DNM3: variants seen among roughly 807,000 people sequenced by gnomAD.
DNM3 encodes dynamin-3.
DNM3 carries 47 observed loss-of-function variants against 101.6 expected under a neutral mutation model. The observed-to-expected ratio is 0.46, with a 90% CI of 0.37 to 0.59. The LOEUF (loss-of-function observed/expected upper bound fraction) is 0.59. Ranked by LOEUF, DNM3 falls within the 20% of genes least tolerant of loss-of-function variation. The pLI, the probability that DNM3 is intolerant of heterozygous loss-of-function variation, is 0.00. For missense variants in DNM3, 849 were observed against 1,085.7 expected (o/e 0.78, Z 3.06); for synonymous variants, 385 against 387.9 (o/e 0.99, Z 0.09).
chr1:172,058,475 C>A (rs997419831), intron 10 of DNM3, among the ~76,000 whole-genome samples: 1 of 151,504 alleles, frequency 6.6e-6, no homozygotes, highest in East Asian at 2.0e-4. Flanking sequence ...TGTAAAAGAA[C>A]AGAAATTATA....
intron 14 of DNM3, among the ~76,000 whole-genome samples, chr1:172,182,403 C>CGCAT (rs1439196435): frequency 2.0e-5 from 3 of 152,020 alleles, no homozygotes; most frequent in Non-Finnish European, 4.4e-5. Flanking sequence ...TGATGTCTAA[C>CGCAT]CATCATTACA....
chr1:172,270,703 T>A (rs1280632275), intron 15 of DNM3, among the ~76,000 whole-genome samples: 2 of 152,202 alleles, frequency 1.3e-5, no homozygotes, highest in Non-Finnish European at 2.9e-5. Flanking sequence ...CAGCTAACTC[T>A]GAGCAGATGC....
At chr1:171,847,929 T>A (rs1206364271) in intron 1 of DNM3, among the ~76,000 whole-genome samples, 1 of 151,396 alleles carries the variant, frequency 6.6e-6, no homozygotes, top group Non-Finnish European at 1.5e-5. Context: ...TGTGTGTGTG[T>A]GTGATCATAG....
intron 17 of DNM3, among the ~76,000 whole-genome samples, chr1:172,330,232 A>C (rs1338131211): frequency 3.3e-5 from 5 of 152,224 alleles, no homozygotes; most frequent in Admixed American, 1.3e-4. Flanking sequence ...AAACAGCATC[A>C]ATATCCATCA....
Position 171,909,437 on chromosome 1 carries a change from TAAA to T in DNM3, c.162-12295_162-12293del, listed in dbSNP as rs10554706. On this transcript the variant is annotated intron_variant, in intron 1 of 20. Transcript: ENST00000627582. ...TGGGCAACAGAGTGAGACTCTGTCT[TAAA>T]AAAAAAAAAAAAAAAGTCAGAGGTG... Among the ~76,000 whole-genome samples the T allele has an allele frequency of 2.0e-3, 261 of 130,938 alleles. 2 individuals carry two copies. The highest frequency in any genetic ancestry group is 4.2e-3 in the African/African-American group (151 of 35,882). 85.9% of individuals were successfully genotyped at this position (130,938 alleles called of 152,430 possible).
intron 1 of DNM3, among the ~76,000 whole-genome samples, chr1:171,894,877 G>C (rs920432851): frequency 5.3e-5 from 8 of 152,088 alleles, no homozygotes; most frequent in Non-Finnish European, 1.0e-4. Flanking sequence ...TGAGAATGAT[G>C]GTTTCCAGCT....
chr1:172,072,875 A>C (rs1190465231), intron 11 of DNM3, among the ~76,000 whole-genome samples: 1 of 152,228 alleles, frequency 6.6e-6, no homozygotes, highest in Non-Finnish European at 1.5e-5. Flanking sequence ...CAATAGAGTG[A>C]GACTTGTCTC....
intron 1 of DNM3, among the ~76,000 whole-genome samples, chr1:171,856,272 G>C (rs1441994848): frequency 6.6e-6 from 1 of 152,138 alleles, no homozygotes; most frequent in Admixed American, 6.6e-5. Flanking sequence ...TTTGGTTACT[G>C]TAGCCCTGTA....
chr1:171,967,122 G>T (rs983841960), intron 2 of DNM3, among the ~76,000 whole-genome samples: 2 of 152,082 alleles, frequency 1.3e-5, no homozygotes, highest in African/African-American at 4.8e-5. Flanking sequence ...TGACAAAAGG[G>T]AATCTATTTT....
intron 14 of DNM3, among the ~76,000 whole-genome samples, chr1:172,180,751 C>G (rs1029041650): frequency 6.6e-6 from 1 of 152,052 alleles, no homozygotes; most frequent in East Asian, 1.9e-4. Context: ...CCTCCCAATA[C>G]TGATGTTGCA....
intron 2 of DNM3, among the ~76,000 whole-genome samples, chr1:171,951,402 C>G (rs148630359): frequency 1.3e-5 from 2 of 152,118 alleles, no homozygotes; most frequent in Non-Finnish European, 2.9e-5. Flanking sequence ...ATTTTACATG[C>G]GGTGTTTTGC....
At chr1:172,402,683 T>C in intron 20 of DNM3, among the ~76,000 whole-genome samples, 1 of 152,186 alleles carries the variant, frequency 6.6e-6, no homozygotes, top group Non-Finnish European at 1.5e-5. Flanking sequence ...CCTAAGCAAG[T>C]AGTAGTTATT....
At position 171,976,646 on chromosome 1, in the gene DNM3, T is replaced by A. The variant is rs113472705; in HGVS notation, c.236-11010T>A. On this transcript the variant is annotated intron_variant, in intron 2 of 20. Coordinates refer to ENST00000627582, the MANE Select transcript of DNM3 (RefSeq NM_015569.5). ...ACCATATCATTGACATTTAAGGAGC[T>A]TACCAAAAACACACTAAAGATCTCC... Among the ~76,000 whole-genome samples, 1,360 of 152,108 alleles carry A rather than the reference T, an allele frequency of 8.9e-3. 27 individuals carry two copies. Among genetic ancestry groups the A allele is most frequent in the African/African-American group, 0.031 (1,289 of 41,484 alleles).
chr1:171,954,721 A>G (rs1436644547), intron 2 of DNM3, among the ~76,000 whole-genome samples: 1 of 152,208 alleles, frequency 6.6e-6, no homozygotes, highest in Non-Finnish European at 1.5e-5. Flanking sequence ...AAAATTCTAA[A>G]TTACACCAAA....
chr1:172,220,760 A>G (rs2060878391), intron 14 of DNM3, among the ~76,000 whole-genome samples: 1 of 152,174 alleles, frequency 6.6e-6, no homozygotes, highest in Non-Finnish European at 1.5e-5. Context: ...AGGGGATATC[A>G]TGTTAAAGCA....
intron 17 of DNM3, among the ~76,000 whole-genome samples, chr1:172,330,770 A>G (rs1441338705): frequency 6.6e-6 from 1 of 152,194 alleles, no homozygotes; most frequent in African/African-American, 2.4e-5. Flanking sequence ...AAAACAGAAT[A>G]TCTAGGAGGA....
chr1:172,040,761 C>T (rs1203235271), intron 7 of DNM3, among the ~76,000 whole-genome samples: 1 of 151,954 alleles, frequency 6.6e-6, no homozygotes, highest in Non-Finnish European at 1.5e-5. Flanking sequence ...TGGGAAGAAC[C>T]AATGCTTGAG....
intron 15 of DNM3, among the ~76,000 whole-genome samples, chr1:172,262,369 G>A (rs1420440057): frequency 6.6e-6 from 1 of 152,124 alleles, no homozygotes; most frequent in Non-Finnish European, 1.5e-5. Context: ...GTGGGGTGGG[G>A]GCTGTGCTCT....
intron 14 of DNM3, among the ~76,000 whole-genome samples, chr1:172,175,945 C>T (rs1376513564): frequency 1.3e-5 from 2 of 151,724 alleles, no homozygotes; most frequent in Non-Finnish European, 2.9e-5. Flanking sequence ...TTATAATCCC[C>T]TCTCATGTTG....
Sources: gnomAD v4.1 joint callset for allele counts (sites outside exome capture counted in the v4.1 genomes callset) on GRCh38, gnomAD v4.1.1 for gene constraint, MANE v1.5 for transcripts, NCBI Gene and HGNC (gene_info 2026-07-23, HGNC 2026-07-21) for gene names.